Variants in METTL13 observed in about 807,000 individuals in gnomAD.
METTL13 encodes the protein eEF1A lysine and N-terminal methyltransferase.
METTL13 carries 52 observed loss-of-function variants against 67.4 expected under a neutral mutation model. That is an observed-to-expected ratio of 0.77 (90% confidence interval 0.62 to 0.97). The LOEUF (loss-of-function observed/expected upper bound fraction) is 0.97, where lower values mean the gene tolerates loss of function less well. Ranked by LOEUF, METTL13 falls within the 50% of genes least tolerant of loss-of-function variation. The pLI is 0.00. For synonymous variants in METTL13, 354 were observed against 353.6 expected (o/e 1.00, Z -0.01); for missense variants, 825 against 889.6 (o/e 0.93, Z 0.92).
chr1:171,789,798 A>G (rs917300234), intron 4 of METTL13, among the ~76,000 whole-genome samples: 2 of 133,520 alleles, frequency 1.5e-5, no homozygotes, highest in African/African-American at 5.8e-5. Flanking sequence ...GCTTCCTTGT[A>G]TCCATTGTAT....
Position 171,783,878 on chromosome 1 carries a change from A to G in METTL13, c.292A>G (p.Met98Val), listed in dbSNP as rs1057388566. 1 of 1,614,110 alleles carries G rather than the reference A, an allele frequency of 6.2e-7. No homozygotes were observed. Among genetic ancestry groups the G allele is most frequent in the Non-Finnish European group, 8.5e-7 (1 of 1,180,058 alleles). ...ATGTAATGCCACCCGACGGCCCCAG[A>G]TGAGCTTCTTGAAGATGGACATGAC... The part of the protein sequence containing the change: ...KECNATRRPQ[M>V]SFLKMDMTQM... Residue 98 changes from methionine (M) to valine (V), a missense_variant, in exon 2 of 8, where the codon ATG (methionine) becomes GTG (valine). Transcript: ENST00000361735.
Position 171,784,147 on chromosome 1 carries a change from C to T in METTL13, c.561C>T (p.Ala187=). ...EGWMVRVHQV[A]NSQDQVLEAE... Reference sequence around the variant, plus strand: ...GGATGGTGAGGGTGCACCAAGTGGCCAACAGCCAGGACCAGGTGTTGGAAG... The same window carrying T: ...GGATGGTGAGGGTGCACCAAGTGGCTAACAGCCAGGACCAGGTGTTGGAAG... Residue 187 remains alanine (A), a synonymous_variant, in exon 2 of 8, where the codon GCC becomes GCT. Coordinates refer to ENST00000361735, the MANE Select transcript of METTL13 (RefSeq NM_015935.5). 1 of 1,614,212 alleles carries T rather than the reference C, an allele frequency of 6.2e-7. No homozygotes were observed.
chr1:171,794,283 C>T (rs1657295440), intron 6 of METTL13, 113 bp from the exon 7 acceptor site: 1 of 1,471,960 alleles, frequency 6.8e-7, no homozygotes, highest in African/African-American at 1.4e-5. Context: ...CTGTGTCATC[C>T]TTCTAACTTA....
chr1:171,794,218 G>C (rs1657293486), intron 6 of METTL13, among the ~76,000 whole-genome samples, 178 bp from the exon 7 acceptor site: 1 of 152,186 alleles, frequency 6.6e-6, no homozygotes, highest in Admixed American at 6.5e-5. Flanking sequence ...GAACCCTGAT[G>C]ACAAAGACTC....
intron 3 of METTL13, 135 bp downstream of exon 3, chr1:171,786,213 A>G (rs1313350353): frequency 1.0e-6 from 1 of 984,600 alleles, no homozygotes. Context: ...ATCAGCAGCT[A>G]AGGGTTAAAT....
Position 171,792,386 on chromosome 1 carries a change from T to C in METTL13, c.1693+151T>C, listed in dbSNP as rs1201925128. On this transcript the variant is annotated intron_variant, in intron 6 of 7. Coordinates refer to ENST00000361735, the MANE Select transcript of METTL13 (RefSeq NM_015935.5). ...TTCATTTGTTGATATACTTATTCAC[T>C]AGAGTACCAGCTATATGCTTAGCAC... 8 of 867,856 alleles carry C rather than the reference T, an allele frequency of 9.2e-6. No individual in the cohort carries two copies. The East Asian group carries it at 2.1e-4, about 23-fold the overall frequency. The allele number at this position is 867,856 out of a possible 1,614,324, so 53.8% of individuals were successfully genotyped here. A position where few individuals can be genotyped will look rare whatever the true frequency, so the allele number is the denominator to read the frequency against.
rs370263614 is a variant in METTL13 at position 171,784,284 on chromosome 1, C to A, written c.698C>A (p.Pro233His). The A allele has an allele frequency of 6.2e-7, 1 of 1,613,046 alleles. No homozygotes were observed. The change falls in exon 2 of 8, where the codon CCT becomes CAT. Residue 233 changes from proline to histidine, a missense_variant. Physicochemically the swap from Pro to His is moderately conservative, Grantham distance 77 (BLOSUM62 -2). Transcript: ENST00000361735. ...CTGTGTGCTCAGGAGCAGCGCAAGC[C>A]TGTGCGGCTGGAGAGTGCCGAGCGG... ...FELCAQEQRK[P>H]VRLESAERLA...
intron 7 of METTL13, 97 bp downstream of exon 7, chr1:171,794,624 AT>A: frequency 6.5e-7 from 1 of 1,530,636 alleles, no homozygotes; most frequent in Non-Finnish European, 8.8e-7. Context: ...AGCTCGATCA[AT>A]TTTTCCAAAT....
chr1:171,794,236 C>T (rs1321594689), intron 6 of METTL13, among the ~76,000 whole-genome samples, 160 bp from the exon 7 acceptor site: 1 of 152,244 alleles, frequency 6.6e-6, no homozygotes, highest in Non-Finnish European at 1.5e-5. Context: ...CTCCCCTGGG[C>T]CATGACATCA....
intron 6 of METTL13, among the ~76,000 whole-genome samples, chr1:171,793,431 A>G (rs1365361917): frequency 6.6e-6 from 1 of 152,186 alleles, no homozygotes; most frequent in Non-Finnish European, 1.5e-5. Flanking sequence ...TGTAACACCA[A>G]AATGTTTCAG....
At chr1:171,796,095 G>A (rs1279172639) in intron 7 of METTL13, among the ~76,000 whole-genome samples, 1 of 152,052 alleles carries the variant, frequency 6.6e-6, no homozygotes, top group East Asian at 1.9e-4. Flanking sequence ...TCAAACTCCT[G>A]ACTTCGAGTG....
At chr1:171,789,008 G>T (rs1392170109) in intron 4 of METTL13, among the ~76,000 whole-genome samples, 1 of 152,184 alleles carries the variant, frequency 6.6e-6, no homozygotes, top group Admixed American at 6.5e-5. Context: ...CTGCCCTATT[G>T]TTTGGTCACT....
In METTL13 at chr1:171,787,847, G is replaced by A. The variant is rs145061447; in HGVS notation, c.1226G>A (p.Arg409Gln). The change falls in exon 4 of 8, where the codon CGA (arginine) becomes CAA (glutamine). Residue 409 changes from arginine (R) to glutamine (Q), a missense_variant. By Grantham distance (43) the Arg-to-Gln change is conservative. Transcript: ENST00000361735. ...GAGGATGTGCAAGGGGATGACAAGC[G>A]ATACTTCCGTCGACTGATCTTCCTC... Reference protein sequence around the residue: ...VIEDVQGDDKRYFRRLIFLSN... With the variant: ...VIEDVQGDDKQYFRRLIFLSN... 81 of 1,614,140 alleles carry A rather than the reference G, an allele frequency of 5.0e-5. No homozygotes were observed. In the East Asian group the frequency reaches 1.6e-3, roughly 32 times the overall value.
chr1:171,789,717 C>T (rs781498814), intron 4 of METTL13, among the ~76,000 whole-genome samples: 6 of 152,112 alleles, frequency 3.9e-5, no homozygotes, highest in Admixed American at 1.3e-4. Context: ...ATTTCTTAGA[C>T]GGGAGGTACC....
intron 4 of METTL13, among the ~76,000 whole-genome samples, chr1:171,789,311 A>G (rs1280526834): frequency 6.6e-6 from 1 of 152,212 alleles, no homozygotes; most frequent in Admixed American, 6.5e-5. Context: ...AGACACAGCC[A>G]TCCGTTTAGT....
chr1:171,788,812 C>G (rs550205448), intron 4 of METTL13, among the ~76,000 whole-genome samples: 4 of 152,180 alleles, frequency 2.6e-5, no homozygotes, highest in Non-Finnish European at 5.9e-5. Context: ...CTCCTGATTC[C>G]CAGTTGTTCC....
At chr1:171,789,067 T>C (rs1657116840) in intron 4 of METTL13, among the ~76,000 whole-genome samples, 1 of 152,216 alleles carries the variant, frequency 6.6e-6, no homozygotes, top group Admixed American at 6.5e-5. Flanking sequence ...TCAGTAAAAT[T>C]GCTTAAAAGA....
At position 171,794,527 on chromosome 1, in the gene METTL13, G is replaced by A; in HGVS notation, c.1825G>A (p.Gly609Ser). 1 of 1,614,146 alleles carries A rather than the reference G, an allele frequency of 6.2e-7. No individual in the cohort carries two copies. Among genetic ancestry groups the A allele is most frequent in the Non-Finnish European group, 8.5e-7 (1 of 1,180,014 alleles). The change falls in exon 7 of 8, where the codon GGT becomes AGT. Residue 609 changes from glycine to serine, a missense_variant and splice_region_variant. Transcript: ENST00000361735. ...GGTTAAAAGCATCTTGACTCCTGAA[G>A]GTATGGAGAACAAAAGGTGGGAGAG... ...QKVKSILTPEGVFILNLVCRD... is the reference protein window; with the variant it reads ...QKVKSILTPESVFILNLVCRD...
intron 3 of METTL13, 52 bp downstream of exon 3, chr1:171,786,130 C>A: frequency 6.5e-7 from 1 of 1,550,272 alleles, no homozygotes; most frequent in Non-Finnish European, 8.7e-7. Flanking sequence ...ATGTTAGCAG[C>A]CAGGGAGGCA....
Sources: allele counts gnomAD v4.1 joint callset (sites outside exome capture counted in the v4.1 genomes callset), GRCh38; gene constraint gnomAD v4.1.1; transcripts MANE v1.5; gene names NCBI Gene and HGNC (gene_info 2026-07-23, HGNC 2026-07-21).